IL1RAPL2: variants seen among roughly 807,000 people sequenced by gnomAD.
The protein encoded by IL1RAPL2 is interleukin 1 receptor accessory protein like 2.
IL1RAPL2 carries 3 observed loss-of-function variants against 44.1 expected under a neutral mutation model. That is an observed-to-expected ratio of 0.07 (90% CI 0.03 to 0.18). The LOEUF (loss-of-function observed/expected upper bound fraction) is 0.18, where lower values mean the gene tolerates loss of function less well. Ranked by LOEUF, IL1RAPL2 falls within the 10% of genes least tolerant of loss-of-function variation. The pLI is 1.00. For missense variants in IL1RAPL2, 391 were observed against 496.4 expected, an observed-to-expected ratio of 0.79 and a Z score of 2.02; for synonymous variants, 181 against 178.8, an observed-to-expected ratio of 1.01 and a Z score of -0.10.
Position 105,586,804 on chromosome X carries a change from A to G in IL1RAPL2, c.772+102417A>G, listed in dbSNP as rs150506236. Among the ~76,000 whole-genome samples, 585 of 112,610 alleles carry G rather than the reference A, an allele frequency of 5.2e-3. 4 individuals carry two copies. Among genetic ancestry groups the G allele is most frequent in the African/African-American group, 0.018 (573 of 31,045 alleles). Reference sequence around the variant, plus strand: ...TGAGAGGAACCGCCTACAAACTTCTAGAATTCTGTGCATGTGCACATGTCT... The same window carrying G: ...TGAGAGGAACCGCCTACAAACTTCTGGAATTCTGTGCATGTGCACATGTCT... On this transcript the variant is annotated intron_variant, in intron 6 of 10. Coordinates refer to ENST00000372582, the MANE Select transcript of IL1RAPL2 (RefSeq NM_017416.2).
rs780499194 is a variant in IL1RAPL2, at chrX:104,763,366, A to G, written c.82+104371A>G. Among the ~76,000 whole-genome samples the G allele has an allele frequency of 6.2e-5, 7 of 112,075 alleles. No individual in the cohort carries two copies. The Admixed American group carries it at 6.6e-4, about 11-fold the overall frequency. On this transcript the variant is annotated intron_variant, in intron 2 of 10. Transcript: ENST00000372582. Reference sequence around the variant, plus strand: ...TCTCTAGGAAGTTCCAAACTTTCCCACATCTGTTTTCTGAGACCTCCAAGT... The same window carrying G: ...TCTCTAGGAAGTTCCAAACTTTCCCGCATCTGTTTTCTGAGACCTCCAAGT...
intron 2 of IL1RAPL2, among the ~76,000 whole-genome samples, chrX:104,662,773 G>T (rs1187402228): frequency 8.9e-6 from 1 of 111,786 alleles, no homozygotes; most frequent in African/African-American, 3.2e-5. Context: ...TGCTGCTGCT[G>T]CTCCTGCATG....
intron 2 of IL1RAPL2, among the ~76,000 whole-genome samples, chrX:104,736,008 A>G (rs1181351694): frequency 9.0e-6 from 1 of 110,826 alleles, no homozygotes; most frequent in Non-Finnish European, 1.9e-5. Flanking sequence ...TACTGTAGTC[A>G]TCTGTCTCCT....
chrX:105,008,023 A>C (rs765162018), intron 2 of IL1RAPL2, among the ~76,000 whole-genome samples: 1 of 113,980 alleles, frequency 8.8e-6, no homozygotes, highest in South Asian at 3.5e-4. Context: ...TATCTGTCTT[A>C]GTCTGTTTTC....
chrX:104,893,982 G>A (rs1416709687), intron 2 of IL1RAPL2, among the ~76,000 whole-genome samples: 2 of 111,425 alleles, frequency 1.8e-5, no homozygotes, highest in Non-Finnish European at 3.8e-5. Flanking sequence ...GGCAGGTCTA[G>A]TGGTTATAAA....
At chrX:105,472,211 C>T (rs1439687763) in intron 5 of IL1RAPL2, among the ~76,000 whole-genome samples, 2 of 111,593 alleles carry the variant, frequency 1.8e-5, no homozygotes, top group Non-Finnish European at 3.8e-5. Flanking sequence ...ATTTCAAAGA[C>T]GTATTATTTA....
chrX:105,710,247 T>TA (rs2038197600), intron 6 of IL1RAPL2, among the ~76,000 whole-genome samples: 1 of 110,792 alleles, frequency 9.0e-6, no homozygotes, highest in African/African-American at 3.3e-5. Context: ...ATCATTATTC[T>TA]ATTCTAAGGT....
chrX:105,362,366 C>G (rs2035253985), intron 5 of IL1RAPL2, among the ~76,000 whole-genome samples: 1 of 111,271 alleles, frequency 9.0e-6, no homozygotes, highest in African/African-American at 3.3e-5. Context: ...TTTTATCGTG[C>G]AGGAGATTGA....
intron 6 of IL1RAPL2, among the ~76,000 whole-genome samples, chrX:105,535,718 C>T (rs773098664): frequency 9.0e-6 from 1 of 111,513 alleles, no homozygotes; most frequent in South Asian, 3.8e-4. Flanking sequence ...CCACGGCATT[C>T]TCAAAAATAT....
chrX:104,714,841 T>G (rs1181434599), intron 2 of IL1RAPL2, among the ~76,000 whole-genome samples: 3 of 111,272 alleles, frequency 2.7e-5, no homozygotes, highest in Non-Finnish European at 5.7e-5. Flanking sequence ...TACTTGATCA[T>G]AGTGAATAAG....
intron 5 of IL1RAPL2, among the ~76,000 whole-genome samples, chrX:105,312,836 GATAT>G (rs745392927): frequency 9.0e-6 from 1 of 111,287 alleles, no homozygotes; most frequent in Non-Finnish European, 1.9e-5. Context: ...GTACATGATA[GATAT>G]ATATAACTTT....
At chrX:104,615,590 G>T (rs1213357281) in intron 1 of IL1RAPL2, among the ~76,000 whole-genome samples, 1 of 111,485 alleles carries the variant, frequency 9.0e-6, no homozygotes, top group Non-Finnish European at 1.9e-5. Context: ...ATTATTCCAT[G>T]GTGTACATTA....
chrX:105,324,297 C>G (rs1405937943), intron 5 of IL1RAPL2, among the ~76,000 whole-genome samples: 2 of 111,306 alleles, frequency 1.8e-5, no homozygotes, highest in African/African-American at 6.5e-5. Context: ...AGCCATACTT[C>G]AGGTAAATAG....
chrX:105,142,467 C>T (rs779984039), intron 2 of IL1RAPL2, among the ~76,000 whole-genome samples: 4 of 111,508 alleles, frequency 3.6e-5, no homozygotes, highest in Non-Finnish European at 7.5e-5. Context: ...CCATCTTCCA[C>T]TCCTTGCTGG....
At chrX:104,763,356 A>G (rs1161555357) in intron 2 of IL1RAPL2, among the ~76,000 whole-genome samples, 1 of 112,135 alleles carries the variant, frequency 8.9e-6, no homozygotes, top group African/African-American at 3.2e-5. Flanking sequence ...AGGAAGTTCC[A>G]AACTTTCCCA....
chrX:104,879,174 A>G lies in IL1RAPL2; in HGVS notation c.82+220179A>G, dbSNP rs1442596144. Among the ~76,000 whole-genome samples, 4 of 110,264 alleles carry G rather than the reference A, an allele frequency of 3.6e-5. No individual in the cohort carries two copies. The Admixed American group carries it at 3.8e-4, about 11-fold the overall frequency. ...GCATATTTAATGTAAATGACTAAAT[A>G]ATTATGTAGCGATCCATTGCTAGTT... On this transcript the variant is annotated intron_variant, in intron 2 of 10. Transcript: ENST00000372582.
At chrX:105,071,740 G>T (rs372535593) in intron 2 of IL1RAPL2, among the ~76,000 whole-genome samples, 4 of 111,826 alleles carry the variant, frequency 3.6e-5, no homozygotes, top group African/African-American at 1.3e-4. Flanking sequence ...ACTGATGTTT[G>T]ACACAGGTGC....
intron 2 of IL1RAPL2, among the ~76,000 whole-genome samples, chrX:104,956,495 T>TGTGTGTGTGTGTGTG (rs1556020850): frequency 1.0e-4 from 11 of 108,582 alleles, no homozygotes; most frequent in Admixed American, 4.9e-4. Flanking sequence ...TGTGTGTGTG[T>TGTGTGTGTGTGTGTG]TATGCCGGGC....
chrX:105,737,349 C>T lies in IL1RAPL2; in HGVS notation c.903-3197C>T, dbSNP rs1233103663. Among the ~76,000 whole-genome samples the T allele has an allele frequency of 4.5e-5, 5 of 110,778 alleles. No homozygotes were observed. The Admixed American group carries it at 4.8e-4, about 11-fold the overall frequency. ...CAAACCTGCACATGTACCCCTGAAC[C>T]TAAAATTAAAATTAAAAATAATATA... is the stretch of plus-strand genomic sequence containing the variant. On this transcript the variant is annotated intron_variant, in intron 7 of 10. Transcript: ENST00000372582.
Sources: gnomAD v4.1 joint callset for allele counts (sites outside exome capture counted in the v4.1 genomes callset) on GRCh38, gnomAD v4.1.1 for gene constraint, MANE v1.5 for transcripts, NCBI Gene and HGNC (gene_info 2026-07-23, HGNC 2026-07-21) for gene names.